The following SDK1 variants were observed in gnomAD, a reference collection of about 807,000 sequenced individuals.
SDK1 encodes sidekick cell adhesion molecule 1, also known as protein sidekick-1.
Under a neutral mutation model 245.5 loss-of-function variants are expected in SDK1, and 157 were observed. The ratio of observed to expected loss-of-function variants is 0.64; its 90% confidence interval spans 0.56 to 0.73. The LOEUF is 0.73. Among genes scored for constraint, SDK1 ranks in the 30% least tolerant of loss-of-function variants. The pLI is 0.00. For synonymous variants in SDK1, 1,647 were observed against 1,278.5 expected (o/e 1.29, Z -6.15); for missense variants, 3,583 against 3,002.3 (o/e 1.19, Z -4.52).
At chr7:3,407,541 A>T (rs1443040891) in intron 1 of SDK1, among the ~76,000 whole-genome samples, 1 of 152,152 alleles carries the variant, frequency 6.6e-6, no homozygotes. Flanking sequence ...GGATACTTAC[A>T]TCCAGAAATA....
At chr7:3,914,134 T>C (rs958180267) in intron 5 of SDK1, among the ~76,000 whole-genome samples, 3 of 152,250 alleles carry the variant, frequency 2.0e-5, no homozygotes, top group Non-Finnish European at 2.9e-5. Flanking sequence ...TTGCAGCTTT[T>C]CCTCATATTT....
intron 5 of SDK1, among the ~76,000 whole-genome samples, chr7:3,870,831 C>G (rs1040617337): frequency 6.6e-6 from 1 of 152,152 alleles, no homozygotes; most frequent in Non-Finnish European, 1.5e-5. Context: ...CATCATGTTG[C>G]ATTTAGTTGT....
intron 1 of SDK1, among the ~76,000 whole-genome samples, chr7:3,489,198 G>A (rs1338811684): frequency 2.0e-5 from 3 of 152,118 alleles, no homozygotes; most frequent in Non-Finnish European, 2.9e-5. Flanking sequence ...GCAGGTACAG[G>A]GAAGGCAGTT....
At chr7:3,738,728 A>T (rs1256417572) in intron 4 of SDK1, among the ~76,000 whole-genome samples, 1 of 152,092 alleles carries the variant, frequency 6.6e-6, no homozygotes, top group East Asian at 1.9e-4. Context: ...TAGTTTTCAT[A>T]GTATGAGTCG....
chr7:4,093,997 A>G lies in SDK1; in HGVS notation c.3324+14413A>G, dbSNP rs1379366697. 2.0e-5 allele frequency among the ~76,000 whole-genome samples: 3 copies of G among 152,266 alleles called. No homozygotes were observed. In the East Asian group the frequency reaches 5.8e-4, roughly 29 times the overall value. ...ATCTGCTTTCCCTAGTCAGAAGTTGAAGCCCATACAATCCGGGGGCAGTCC... is the reference window on the plus strand; with the variant it reads ...ATCTGCTTTCCCTAGTCAGAAGTTGGAGCCCATACAATCCGGGGGCAGTCC... On this transcript the variant is annotated intron_variant, in intron 22 of 44. Transcript: ENST00000404826.
At chr7:3,400,948 C>T (rs1778872869) in intron 1 of SDK1, among the ~76,000 whole-genome samples, 1 of 151,132 alleles carries the variant, frequency 6.6e-6, no homozygotes, top group Non-Finnish European at 1.5e-5. Context: ...TGGCCGAACT[C>T]CAGTGTCAGG....
intron 1 of SDK1, among the ~76,000 whole-genome samples, chr7:3,577,188 A>T (rs894897241): frequency 6.6e-6 from 1 of 152,082 alleles, no homozygotes. Flanking sequence ...ACCTACTGCA[A>T]GACCCCCATA....
intron 44 of SDK1, 33 bp downstream of exon 44, chr7:4,245,838 C>A: frequency 6.2e-7 from 1 of 1,612,228 alleles, no homozygotes; most frequent in South Asian, 1.1e-5. Flanking sequence ...GGGCAGTGAC[C>A]ATCAGCCCCT....
intron 19 of SDK1, among the ~76,000 whole-genome samples, chr7:4,065,508 A>G (rs1486764737): frequency 6.6e-6 from 1 of 152,188 alleles, no homozygotes; most frequent in Non-Finnish European, 1.5e-5. Context: ...CGATTGAAAA[A>G]AGAACAAGTC....
chr7:3,585,493 G>A (rs1160918358), intron 1 of SDK1, among the ~76,000 whole-genome samples: 1 of 152,096 alleles, frequency 6.6e-6, no homozygotes, highest in African/African-American at 2.4e-5. Context: ...AGAAGGAGGC[G>A]CTCTTGATAA....
At chr7:4,216,530 G>T (rs1421969416) in intron 38 of SDK1, among the ~76,000 whole-genome samples, 2 of 152,254 alleles carry the variant, frequency 1.3e-5, no homozygotes, top group African/African-American at 4.8e-5. Flanking sequence ...ACCTCCACAT[G>T]ACTTTCAATA....
chr7:4,049,474 T>C lies in SDK1; in HGVS notation c.2718+11T>C. On this transcript the variant is annotated intron_variant, in intron 18 of 44. Coordinates refer to ENST00000404826, the MANE Select transcript of SDK1 (RefSeq NM_152744.4). ...AACCAGGGATACAAGGTACGTGGCC[T>C]GGGTTCAGGGCCTGTGGGCAGCTGT... 6.3e-7 allele frequency: 1 copy of C among 1,592,892 alleles called. No homozygotes were observed. Among genetic ancestry groups the C allele is most frequent in the African/African-American group, 1.3e-5 (1 of 74,588 alleles).
intron 1 of SDK1, among the ~76,000 whole-genome samples, chr7:3,593,614 T>C (rs143943841): frequency 5.0e-4 from 76 of 152,344 alleles, no homozygotes; most frequent in African/African-American, 1.7e-3. Flanking sequence ...CCATGCTTAC[T>C]GGGGAACCTC....
chr7:3,802,675 C>T (rs994431576), intron 4 of SDK1, among the ~76,000 whole-genome samples: 1 of 152,170 alleles, frequency 6.6e-6, no homozygotes, highest in African/African-American at 2.4e-5. Context: ...ACAGTTTTCT[C>T]ATCTTGAGAA....
At chr7:3,551,588 TAAAACCACTGA>T (rs916520688) in intron 1 of SDK1, among the ~76,000 whole-genome samples, 2 of 152,094 alleles carry the variant, frequency 1.3e-5, no homozygotes, top group Non-Finnish European at 2.9e-5. Context: ...TTTCTGGAAT[TAAAACCACTGA>T]AAAATAAGTC....
chr7:3,723,658 TTG>T lies in SDK1; in HGVS notation c.713+81573_713+81574del, dbSNP rs139688945. On this transcript the variant is annotated intron_variant, in intron 4 of 44. Transcript: ENST00000404826. ...ATTTCATTCAGTTAGTAAGTAAAAGTTGTGTGTGTGTGTGTGTGTGTATACGT... is the reference window on the plus strand; with the variant it reads ...ATTTCATTCAGTTAGTAAGTAAAAGTTGTGTGTGTGTGTGTGTGTATACGT... 2.3e-3 allele frequency among the ~76,000 whole-genome samples: 312 copies of T among 134,120 alleles called. 2 individuals carry two copies. Among genetic ancestry groups the T allele is most frequent in the African/African-American group, 6.2e-3 (204 of 32,950 alleles). The allele number at this position is 134,120 out of a possible 152,430, so 88.0% of individuals were successfully genotyped here. A position where few individuals can be genotyped will look rare whatever the true frequency, so the allele number is the denominator to read the frequency against.
chr7:3,769,486 C>T (rs1398830283), intron 4 of SDK1, among the ~76,000 whole-genome samples: 1 of 152,198 alleles, frequency 6.6e-6, no homozygotes, highest in Non-Finnish European at 1.5e-5. Flanking sequence ...GATTAATCCA[C>T]TCATGAGGTC....
chr7:3,883,007 T>A (rs980664907), intron 5 of SDK1, among the ~76,000 whole-genome samples: 2 of 152,194 alleles, frequency 1.3e-5, no homozygotes, highest in Non-Finnish European at 2.9e-5. Context: ...GCCGCCCAGA[T>A]GTGATCCTCA....
intron 1 of SDK1, among the ~76,000 whole-genome samples, chr7:3,563,563 C>T (rs1779815506): frequency 6.6e-6 from 1 of 152,120 alleles, no homozygotes. Flanking sequence ...ATATATCCAG[C>T]AACAATTGAC....
Sources: gnomAD v4.1 joint callset for allele counts (sites outside exome capture counted in the v4.1 genomes callset) on GRCh38, gnomAD v4.1.1 for gene constraint, MANE v1.5 for transcripts, NCBI Gene and HGNC (gene_info 2026-07-23, HGNC 2026-07-21) for gene names.